Variants in GPR19 observed in about 807,000 individuals in gnomAD.
GPR19 encodes G protein-coupled receptor 19, also known as probable G protein-coupled receptor 19.
In GPR19, 14 loss-of-function variants were observed where a neutral mutation model predicts 28.5. The observed-to-expected ratio is 0.49, with a 90% CI of 0.32 to 0.77. The LOEUF (loss-of-function observed/expected upper bound fraction) is 0.77. Ranked by LOEUF, GPR19 falls within the 30% of genes least tolerant of loss-of-function variation. The probability of loss-of-function intolerance (pLI) is 0.03; values close to 1 mark genes in which losing one functional copy is unlikely to be tolerated. For missense variants in GPR19, 409 were observed against 504.1 expected (o/e 0.81, Z 1.81); for synonymous variants, 173 against 184.1 (o/e 0.94, Z 0.49).
At chr12:12,709,213 C>T in the GPR19 span, among the ~76,000 whole-genome samples, 1 of 151,350 alleles carries the variant, frequency 6.6e-6, no homozygotes, top group African/African-American at 2.4e-5. Flanking sequence ...ACTAATAGAA[C>T]GTAAATGTAG....
intron 3 of GPR19, among the ~76,000 whole-genome samples, chr12:12,666,627 G>A (rs1359295730): frequency 1.3e-5 from 2 of 152,204 alleles, no homozygotes; most frequent in Non-Finnish European, 2.9e-5. Context: ...CTCCAGTAGG[G>A]AGATGGGGAT....
the GPR19 span, among the ~76,000 whole-genome samples, chr12:12,705,956 A>C: frequency 6.6e-6 from 1 of 152,188 alleles, no homozygotes; most frequent in African/African-American, 2.4e-5. Flanking sequence ...GCACCATTTT[A>C]ATATGCTTGC....
chr12:12,663,977 G>C (rs571608495), intron 3 of GPR19, among the ~76,000 whole-genome samples: 1 of 152,224 alleles, frequency 6.6e-6, no homozygotes, highest in South Asian at 2.1e-4. Flanking sequence ...CATAATGAAA[G>C]AACGGTTCTT....
the GPR19 span, chr12:12,716,668 G>A: frequency 7.0e-6 from 5 of 711,812 alleles, no homozygotes; most frequent in Non-Finnish European, 8.6e-6. Context: ...GAGAGCTTGA[G>A]TTCATGATAA....
Position 12,661,613 on chromosome 12 carries a change from A to T in GPR19, c.836T>A (p.Leu279His), listed in dbSNP as rs1261498176. The T allele has an allele frequency of 6.2e-7, 1 of 1,613,976 alleles. No homozygotes were observed. The highest frequency in any genetic ancestry group is 8.5e-7 in the Non-Finnish European group (1 of 1,179,946). Residue 279 changes from leucine (L) to histidine (H), a missense_variant, in exon 4 of 4, where the codon CTC (leucine) becomes CAC (histidine). Transcript: ENST00000651487. This position sits in a 1 kb window ranked among gnomAD's most constrained non-coding sequence, Gnocchi z 4.2. ...RTKVKTIKMF[L>H]ILNLLFLLSW... ...GAGCAAAAACAACAGATTTAAAATG[A>T]GGAACATCTTGATAGTTTTCACTTT...
At chr12:12,690,956 C>G (rs1490519913) in intron 2 of GPR19, among the ~76,000 whole-genome samples, 2 of 152,068 alleles carry the variant, frequency 1.3e-5, no homozygotes, top group Non-Finnish European at 1.5e-5. Context: ...GCATTCGAGT[C>G]TTAACCATAT....
chr12:12,677,394 T>C (rs1385076195), intron 3 of GPR19, among the ~76,000 whole-genome samples: 1 of 151,928 alleles, frequency 6.6e-6, no homozygotes, highest in Non-Finnish European at 1.5e-5. Context: ...TTAGTAGACA[T>C]GGAAAATGAA....
chr12:12,701,766 A>G, the GPR19 span, among the ~76,000 whole-genome samples: 1 of 152,022 alleles, frequency 6.6e-6, no homozygotes, highest in Non-Finnish European at 1.5e-5. Flanking sequence ...TCCTGGCTCT[A>G]CAAAATATGA....
chr12:12,686,409 AAGTT>A (rs1946098882), intron 2 of GPR19, among the ~76,000 whole-genome samples: 2 of 152,236 alleles, frequency 1.3e-5, no homozygotes, highest in Non-Finnish European at 2.9e-5. Context: ...TTTATCAAAA[AAGTT>A]AGATATTGAA....
chr12:12,697,176 A>AAAC (rs1565413598), upstream of GPR19, among the ~76,000 whole-genome samples: 1 of 149,932 alleles, frequency 6.7e-6, no homozygotes, highest in Non-Finnish European at 1.5e-5. Flanking sequence ...AAAAAAAAAA[A>AAAC]AGCAGCCATG....
At chr12:12,713,057 CT>C in the GPR19 span, among the ~76,000 whole-genome samples, 13,473 of 107,896 alleles carry the variant, frequency 0.12, 784 homozygotes, top group Middle Eastern at 0.19. Flanking sequence ...ATCTGATGCG[CT>C]TTTTTTTTTT....
At chr12:12,666,132 T>C (rs546750176) in intron 3 of GPR19, among the ~76,000 whole-genome samples, 2 of 152,218 alleles carry the variant, frequency 1.3e-5, no homozygotes, top group South Asian at 4.1e-4. Context: ...TTTTTCTGGG[T>C]TGATCTTTTT....
the GPR19 span, among the ~76,000 whole-genome samples, chr12:12,711,512 C>T: frequency 3.3e-5 from 5 of 152,082 alleles, no homozygotes; most frequent in African/African-American, 1.2e-4. Context: ...CACATACCAC[C>T]TTTGCTTACA....
chr12:12,672,347 G>A (rs1002709231), intron 3 of GPR19, among the ~76,000 whole-genome samples: 1 of 152,066 alleles, frequency 6.6e-6, no homozygotes, highest in Non-Finnish European at 1.5e-5. Flanking sequence ...GTAGAGTTCC[G>A]TGTATACAGG....
chr12:12,695,979 C>T (rs1490265765), intron 1 of GPR19, 86 bp downstream of exon 1: 4 of 152,238 alleles, frequency 2.6e-5, no homozygotes, highest in African/African-American at 9.7e-5. Context: ...CTCTCCCGCT[C>T]CCACTCCTTT....
chr12:12,698,326 T>C (rs1000559550), upstream of GPR19, among the ~76,000 whole-genome samples: 1 of 152,250 alleles, frequency 6.6e-6, no homozygotes, highest in African/African-American at 2.4e-5. Flanking sequence ...AAATTTCCAC[T>C]GTCAGTAGCT....
At chr12:12,679,656 GA>G (rs5796505) in intron 3 of GPR19, among the ~76,000 whole-genome samples, 63 of 140,854 alleles carry the variant, frequency 4.5e-4, no homozygotes, top group East Asian at 1.0e-3. Context: ...CTTGTCTCTG[GA>G]AAAAAAAAAA....
At chr12:12,716,710 A>G in the GPR19 span, 11 of 983,324 alleles carry the variant, frequency 1.1e-5, no homozygotes, top group Non-Finnish European at 1.2e-5. Context: ...AATTTCTAAA[A>G]GAAAGACGTT....
chr12:12,689,809 C>T (rs1028576406), intron 2 of GPR19, among the ~76,000 whole-genome samples: 2 of 152,200 alleles, frequency 1.3e-5, no homozygotes, highest in African/African-American at 4.8e-5. Context: ...ACCTGGCTCT[C>T]ACCTTCTTGG....
Sources: allele counts gnomAD v4.1 joint callset (sites outside exome capture counted in the v4.1 genomes callset), GRCh38; gene constraint gnomAD v4.1.1; non-coding constraint Gnocchi (gnomAD v3.1); transcripts MANE v1.5; gene names NCBI Gene and HGNC (gene_info 2026-07-23, HGNC 2026-07-21).